The following ATXN2 variants were observed in gnomAD, a reference collection of about 807,000 sequenced individuals.
ATXN2 encodes the protein ataxin-2.
Under a neutral mutation model 138.6 loss-of-function variants are expected in ATXN2, and 37 were observed. The ratio of observed to expected loss-of-function variants is 0.27; its 90% CI spans 0.21 to 0.35. The LOEUF is 0.35. ATXN2 is among the 10% of genes least tolerant of loss of function. The pLI is 1.00. For synonymous variants in ATXN2, 549 were observed against 543.7 expected (o/e 1.01, Z -0.13); for missense variants, 1,216 against 1,480.3 (o/e 0.82, Z 2.93).
intron 1 of ATXN2, among the ~76,000 whole-genome samples, chr12:111,557,082 A>T (rs1882434011): frequency 6.6e-6 from 1 of 152,240 alleles, no homozygotes; most frequent in Admixed American, 6.5e-5. Flanking sequence ...CCACTGAAAA[A>T]GATTAGGCCC....
chr12:111,547,005 TAAG>T (rs1566056554), intron 5 of ATXN2, among the ~76,000 whole-genome samples: 1 of 152,244 alleles, frequency 6.6e-6, no homozygotes, highest in African/African-American at 2.4e-5. Context: ...CACTGTACCG[TAAG>T]AAGTCACTAT....
At chr12:111,485,398 T>C in intron 17 of ATXN2, 67 bp from the exon 18 acceptor site, 1 of 1,436,566 alleles carries the variant, frequency 7.0e-7, no homozygotes. Context: ...TCTGTCACTC[T>C]TAGTTTTATA....
chr12:111,551,832 C>T (rs542842120), intron 5 of ATXN2, among the ~76,000 whole-genome samples: 7 of 151,950 alleles, frequency 4.6e-5, no homozygotes, highest in African/African-American at 1.7e-4. Flanking sequence ...TCTCATTTTT[C>T]TAAAAAATTA....
At chr12:111,549,857 T>C (rs1486246402) in intron 5 of ATXN2, among the ~76,000 whole-genome samples, 1 of 148,782 alleles carries the variant, frequency 6.7e-6, no homozygotes, top group African/African-American at 2.5e-5. Context: ...AGGTCAGGAG[T>C]TCAAGACCAG....
chr12:111,599,505 C>T, upstream of ATXN2: 1 of 1,215,376 alleles, frequency 8.2e-7, no homozygotes. Flanking sequence ...GCTGCGGCCG[C>T]TGAGCGCATC....
At chr12:111,550,377 A>C (rs1464865228) in intron 5 of ATXN2, among the ~76,000 whole-genome samples, 1 of 152,086 alleles carries the variant, frequency 6.6e-6, no homozygotes. Flanking sequence ...CATTTGGGAA[A>C]TATCAATTCA....
At position 111,597,998 on chromosome 12, in the gene ATXN2, C is replaced by CG. The variant is rs1352467862; in HGVS notation, c.251+785dup. On this transcript the variant is annotated intron_variant, in intron 1 of 24. Coordinates refer to ENST00000673436, the MANE Select transcript of ATXN2 (RefSeq NM_001372574.1). ...CCACCCGCGCGCCGGAGAGGTCTGG[C>CG]GGGGGAAGGAGGAAGGCCGGGACGG... 4 of 1,200,612 alleles carry CG rather than the reference C, an allele frequency of 3.3e-6. No homozygotes were observed. In the African/African-American group the frequency reaches 4.8e-5, roughly 14 times the overall value. The allele number at this position is 1,200,612 out of a possible 1,614,324, so 74.4% of individuals were successfully genotyped here.
chr12:111,591,850 G>C (rs1036699927), intron 1 of ATXN2, among the ~76,000 whole-genome samples: 3 of 152,080 alleles, frequency 2.0e-5, no homozygotes, highest in Non-Finnish European at 2.9e-5. Flanking sequence ...GGGAGGCCAA[G>C]GCAGGTGGAT....
At chr12:111,573,391 T>C (rs1883451506) in intron 1 of ATXN2, among the ~76,000 whole-genome samples, 1 of 152,120 alleles carries the variant, frequency 6.6e-6, no homozygotes, top group Non-Finnish European at 1.5e-5. Flanking sequence ...AGACGGAGTT[T>C]TGTCATGTTG....
Position 111,485,881 on chromosome 12 carries a change from T to TA in ATXN2, c.2305-17dup. 1 of 1,612,000 alleles carries TA rather than the reference T, an allele frequency of 6.2e-7. No individual in the cohort carries two copies. Among genetic ancestry groups the TA allele is most frequent in the Non-Finnish European group, 8.5e-7 (1 of 1,178,768 alleles). On this transcript the variant is annotated splice_polypyrimidine_tract_variant and intron_variant, in intron 16 of 24. Transcript: ENST00000673436. The stretch of plus-strand genomic sequence containing the variant: ...AAGGCTTTGGCTACAAAAACAACAA[T>TA]AAATTCAATTATCTCAAGGTAACAG...
intron 23 of ATXN2, chr12:111,455,133 A>C (rs1565999457): frequency 2.8e-6 from 2 of 702,868 alleles, no homozygotes; most frequent in Non-Finnish European, 5.2e-6. Flanking sequence ...TTTAACAGGA[A>C]ATGGAATTCA....
intron 1 of ATXN2, among the ~76,000 whole-genome samples, chr12:111,556,217 A>C (rs967383700): frequency 6.6e-6 from 1 of 152,118 alleles, no homozygotes; most frequent in Non-Finnish European, 1.5e-5. Context: ...GCTAAACGTA[A>C]ATTAATAATA....
At chr12:111,463,557 G>A (rs371597390) in intron 21 of ATXN2, among the ~76,000 whole-genome samples, 19 of 152,300 alleles carry the variant, frequency 1.2e-4, no homozygotes, top group South Asian at 4.1e-4. Flanking sequence ...GATTACAGGC[G>A]TGAGCCACCA....
intron 9 of ATXN2, among the ~76,000 whole-genome samples, chr12:111,517,055 C>T (rs1592853736): frequency 6.6e-6 from 1 of 152,108 alleles, no homozygotes; most frequent in Non-Finnish European, 1.5e-5. Context: ...ATAATTTATA[C>T]AGTTAAACAC....
At chr12:111,591,104 T>C (rs142968380) in intron 1 of ATXN2, among the ~76,000 whole-genome samples, 4,817 of 151,986 alleles carry the variant, frequency 0.032, 249 homozygotes, top group African/African-American at 0.11. Context: ...TTAGCCAGGA[T>C]GGTCTCGATC....
At chr12:111,523,846 T>C (rs1399634503) in intron 6 of ATXN2, among the ~76,000 whole-genome samples, 1 of 151,882 alleles carries the variant, frequency 6.6e-6, no homozygotes, top group Non-Finnish European at 1.5e-5. Context: ...GTGGATTACC[T>C]GAGCTCAGGA....
rs560421259 is a variant in ATXN2, at chr12:111,587,083, A to C, written c.251+11701T>G. ...GACCCCCATTTCTACCAAAAAAAAA[A>C]AAAAAAAAAAGAACTCCCCTTTCTA... On this transcript the variant is annotated intron_variant, in intron 1 of 24. Coordinates refer to ENST00000673436, the MANE Select transcript of ATXN2 (RefSeq NM_001372574.1). 5.4e-4 allele frequency among the ~76,000 whole-genome samples: 82 copies of C among 151,260 alleles called. 1 individual carries two copies. The highest frequency in any genetic ancestry group is 1.9e-3 in the African/African-American group (80 of 41,406).
rs1409075360 is a variant in ATXN2 at position 111,488,332 on chromosome 12, G to A, written c.2240+144C>T. ...ATTTACTTAAGATGTCATTTGTTTGGACTAGCTGTTTGTAAACTAAGGGCA... is the reference window on the plus strand; with the variant it reads ...ATTTACTTAAGATGTCATTTGTTTGAACTAGCTGTTTGTAAACTAAGGGCA... On this transcript the variant is annotated intron_variant, in intron 15 of 24. Coordinates refer to ENST00000673436, the MANE Select transcript of ATXN2 (RefSeq NM_001372574.1). 7.9e-6 allele frequency: 6 copies of A among 761,368 alleles called. No homozygotes were observed. The East Asian group carries it at 1.6e-4, about 21-fold the overall frequency. 47.2% of individuals were successfully genotyped at this position (761,368 alleles called of 1,614,324 possible).
Position 111,591,117 on chromosome 12 carries a change from C to T in ATXN2, c.251+7667G>A, listed in dbSNP as rs576488382. Among the ~76,000 whole-genome samples the T allele has an allele frequency of 2.6e-5, 4 of 152,110 alleles. No individual in the cohort carries two copies. The South Asian group carries it at 6.2e-4, about 24-fold the overall frequency. ...TGTTAGCCAGGATGGTCTCGATCTC[C>T]TGACCTCGTGATCTGCCCGCCTCGG... On this transcript the variant is annotated intron_variant, in intron 1 of 24. Transcript: ENST00000673436.
Sources: gnomAD v4.1 joint callset for allele counts (sites outside exome capture counted in the v4.1 genomes callset) on GRCh38, gnomAD v4.1.1 for gene constraint, MANE v1.5 for transcripts, NCBI Gene and HGNC (gene_info 2026-07-23, HGNC 2026-07-21) for gene names.